The following ATP10B variants were observed in gnomAD, a reference collection of about 807,000 sequenced individuals.
The protein encoded by ATP10B is ATPase phospholipid transporting 10B (putative), also known as phospholipid-transporting ATPase VB.
Under a neutral mutation model 141.2 loss-of-function variants are expected in ATP10B, and 122 were observed. The observed-to-expected ratio is 0.86, with a 90% CI of 0.75 to 1.00. The LOEUF (loss-of-function observed/expected upper bound fraction) is 1.00. ATP10B is among the 50% of genes least tolerant of loss of function. The pLI, the probability that ATP10B is intolerant of heterozygous loss-of-function variation, is 0.00. For synonymous variants in ATP10B, 685 were observed against 692.0 expected (o/e 0.99, Z 0.16); for missense variants, 1,876 against 1,825.3 (o/e 1.03, Z -0.51).
At chr5:160,708,856 G>A (rs1271553664) in intron 3 of ATP10B, among the ~76,000 whole-genome samples, 3 of 152,142 alleles carry the variant, frequency 2.0e-5, no homozygotes, top group Non-Finnish European at 2.9e-5. Flanking sequence ...CAAGGTTCTT[G>A]AATTATCTCG....
intron 2 of ATP10B, among the ~76,000 whole-genome samples, chr5:160,756,356 G>A (rs183660907): frequency 2.0e-5 from 3 of 152,168 alleles, no homozygotes; most frequent in Non-Finnish European, 4.4e-5. Context: ...GTCTTTGTGA[G>A]GATATGTTTT....
intron 21 of ATP10B, among the ~76,000 whole-genome samples, chr5:160,601,592 A>AG (rs1354488911): frequency 2.6e-5 from 4 of 152,354 alleles, no homozygotes; most frequent in African/African-American, 9.6e-5. Flanking sequence ...CTCATCAACA[A>AG]GACAAACCAA....
At chr5:160,823,033 T>A (rs1315408310) in intron 1 of ATP10B, among the ~76,000 whole-genome samples, 21 of 119,788 alleles carry the variant, frequency 1.8e-4, no homozygotes, top group Non-Finnish European at 3.2e-4. Flanking sequence ...TATATATATA[T>A]ATAAAATAAA....
At chr5:160,783,617 T>A (rs891357540) in intron 2 of ATP10B, among the ~76,000 whole-genome samples, 6 of 146,224 alleles carry the variant, frequency 4.1e-5, no homozygotes, top group Non-Finnish European at 1.5e-5. Flanking sequence ...ACACCACAGT[T>A]TCTTCATCCA....
chr5:160,723,511 T>G (rs944635090), intron 2 of ATP10B, among the ~76,000 whole-genome samples: 1 of 152,182 alleles, frequency 6.6e-6, no homozygotes, highest in African/African-American at 2.4e-5. Context: ...TTTCCCCCAC[T>G]TGGCAGATGA....
At chr5:160,699,114 CT>C (rs1764535775) in intron 3 of ATP10B, among the ~76,000 whole-genome samples, 1 of 152,174 alleles carries the variant, frequency 6.6e-6, no homozygotes, top group Admixed American at 6.5e-5. Flanking sequence ...ATTTTCTTCC[CT>C]TTATTCTAAG....
intron 1 of ATP10B, among the ~76,000 whole-genome samples, chr5:160,837,415 A>G (rs368916757): frequency 7.4e-4 from 113 of 152,176 alleles, no homozygotes; most frequent in African/African-American, 2.7e-3. Flanking sequence ...ACCTTGTTAA[A>G]TATTTGTTGA....
chr5:160,836,452 A>G (rs1180462706), intron 1 of ATP10B, among the ~76,000 whole-genome samples: 1 of 152,110 alleles, frequency 6.6e-6, no homozygotes, highest in African/African-American at 2.4e-5. Context: ...ACTAAATGAG[A>G]TAAAGTTCTC....
At chr5:160,787,674 G>A (rs1771272249) in intron 1 of ATP10B, among the ~76,000 whole-genome samples, 1 of 152,140 alleles carries the variant, frequency 6.6e-6, no homozygotes, top group Admixed American at 6.6e-5. Flanking sequence ...TGCGTGGGGG[G>A]CAGGAATTTG....
intron 1 of ATP10B, among the ~76,000 whole-genome samples, chr5:160,829,022 A>C: frequency 7.8e-6 from 1 of 127,986 alleles, no homozygotes; most frequent in African/African-American, 2.9e-5. Context: ...ACACATGGAC[A>C]CAGGAAGGGG....
At chr5:160,567,434 T>C (rs901695431) in intron 25 of ATP10B, among the ~76,000 whole-genome samples, 1 of 152,210 alleles carries the variant, frequency 6.6e-6, no homozygotes, top group Non-Finnish European at 1.5e-5. Flanking sequence ...TTTATAACTA[T>C]AGTCACATGT....
At chr5:160,567,495 G>C (rs950561252) in intron 25 of ATP10B, among the ~76,000 whole-genome samples, 2 of 152,050 alleles carry the variant, frequency 1.3e-5, no homozygotes, top group Admixed American at 1.3e-4. Context: ...AATCCTTTGG[G>C]GGCCTGGCCC....
rs114339991 is a variant in ATP10B at position 160,824,637 on chromosome 5, A to G, written c.-576+27304T>C. ...CCTATTGCTCCTAGGCTACAAACAA[A>G]TACAGCATGTTTCTTTGCTGAATAC... On this transcript the variant is annotated intron_variant, in intron 1 of 25. Coordinates refer to ENST00000327245, the MANE Select transcript of ATP10B (RefSeq NM_025153.3). 6.0e-3 allele frequency among the ~76,000 whole-genome samples: 914 copies of G among 152,334 alleles called. 12 individuals are homozygous for G. The highest frequency in any genetic ancestry group is 0.021 in the African/African-American group (870 of 41,566).
intron 18 of ATP10B, among the ~76,000 whole-genome samples, chr5:160,607,833 C>A (rs761832187): frequency 3.3e-5 from 5 of 152,044 alleles, no homozygotes; most frequent in African/African-American, 7.2e-5. Flanking sequence ...TTGATTATAT[C>A]AAAAGTAGTC....
At chr5:160,756,880 G>A (rs988429526) in intron 2 of ATP10B, among the ~76,000 whole-genome samples, 28 of 151,782 alleles carry the variant, frequency 1.8e-4, no homozygotes, top group Admixed American at 3.3e-4. Context: ...TACATGTCAC[G>A]CGAATATTTT....
chr5:160,868,153 T>C, the ATP10B span, among the ~76,000 whole-genome samples: 2 of 152,270 alleles, frequency 1.3e-5, no homozygotes, highest in Admixed American at 1.3e-4. Flanking sequence ...CCTTTCTGCA[T>C]CTAGAGAAGC....
At chr5:160,786,856 T>C (rs1218698783) in intron 1 of ATP10B, among the ~76,000 whole-genome samples, 1 of 151,930 alleles carries the variant, frequency 6.6e-6, no homozygotes, top group African/African-American at 2.4e-5. Context: ...TGGTTCTTGT[T>C]GAAGCCCTCA....
intron 1 of ATP10B, among the ~76,000 whole-genome samples, chr5:160,801,204 C>A (rs969245070): frequency 6.6e-6 from 1 of 152,122 alleles, no homozygotes; most frequent in Non-Finnish European, 1.5e-5. Context: ...AGACACAAAC[C>A]CTACTGGGGC....
At chr5:160,613,327 G>A (rs892414411) in intron 17 of ATP10B, among the ~76,000 whole-genome samples, 1 of 152,146 alleles carries the variant, frequency 6.6e-6, no homozygotes, top group African/African-American at 2.4e-5. Flanking sequence ...TACAGTAGAG[G>A]AAGATGCAGA....
Sources: allele counts gnomAD v4.1 joint callset (sites outside exome capture counted in the v4.1 genomes callset), GRCh38; gene constraint gnomAD v4.1.1; transcripts MANE v1.5; gene names NCBI Gene and HGNC (gene_info 2026-07-23, HGNC 2026-07-21).